FSTL5: variants seen among roughly 807,000 people sequenced by gnomAD.
FSTL5 encodes follistatin-related protein 5.
FSTL5 carries 62 observed loss-of-function variants against 89.1 expected under a neutral mutation model. The ratio of observed to expected loss-of-function variants is 0.70; its 90% CI spans 0.57 to 0.86. The LOEUF is 0.86. FSTL5 is among the 40% of genes least tolerant of loss of function. The pLI is 0.00. For missense variants in FSTL5, 1,057 were observed against 1,001.6 expected, an observed-to-expected ratio of 1.06 and a Z score of -0.75; for synonymous variants, 383 against 346.2, an observed-to-expected ratio of 1.11 and a Z score of -1.18.
At chr4:161,630,442 C>A (rs1460119911) in intron 7 of FSTL5, among the ~76,000 whole-genome samples, 1 of 152,122 alleles carries the variant, frequency 6.6e-6, no homozygotes, top group East Asian at 1.9e-4. Context: ...CTTTTATGAG[C>A]CTTTCTTGTT....
At chr4:161,810,030 A>G (rs1201427804) in intron 4 of FSTL5, among the ~76,000 whole-genome samples, 1 of 152,144 alleles carries the variant, frequency 6.6e-6, no homozygotes, top group Non-Finnish European at 1.5e-5. Flanking sequence ...CAAATTGGTG[A>G]GCCTAGACAA....
At chr4:161,515,376 G>T (rs958690159) in intron 10 of FSTL5, among the ~76,000 whole-genome samples, 3 of 151,644 alleles carry the variant, frequency 2.0e-5, no homozygotes, top group Non-Finnish European at 4.4e-5. Context: ...TTTTGTTGTT[G>T]TTGTATTTTT....
intron 13 of FSTL5, among the ~76,000 whole-genome samples, chr4:161,475,740 T>C (rs548216183): frequency 3.3e-4 from 50 of 151,902 alleles, no homozygotes; most frequent in African/African-American, 1.2e-3. Flanking sequence ...CAGGAATACA[T>C]TCTGTTGATT....
chr4:162,153,754 G>A (rs369556568), intron 1 of FSTL5, among the ~76,000 whole-genome samples: 21 of 37,058 alleles, frequency 5.7e-4, no homozygotes, highest in East Asian at 2.6e-3. Context: ...TAATATACAT[G>A]TATATATACA....
At chr4:161,477,178 T>C (rs994599899) in intron 13 of FSTL5, among the ~76,000 whole-genome samples, 1 of 151,778 alleles carries the variant, frequency 6.6e-6, no homozygotes, top group African/African-American at 2.4e-5. Flanking sequence ...TTTGTAATAT[T>C]TTACTTTATT....
At chr4:161,738,071 T>A (rs2126768617) in intron 6 of FSTL5, among the ~76,000 whole-genome samples, 1 of 152,212 alleles carries the variant, frequency 6.6e-6, no homozygotes, top group Non-Finnish European at 1.5e-5. Context: ...ATATACAATA[T>A]CTTAAAGAGG....
At chr4:161,661,449 G>A (rs1736707713) in intron 6 of FSTL5, among the ~76,000 whole-genome samples, 1 of 151,924 alleles carries the variant, frequency 6.6e-6, no homozygotes, top group African/African-American at 2.4e-5. Flanking sequence ...CTAATTAAAT[G>A]CAGATAGTAA....
intron 15 of FSTL5, among the ~76,000 whole-genome samples, chr4:161,412,361 A>C (rs1201653154): frequency 2.0e-5 from 3 of 152,046 alleles, no homozygotes; most frequent in Non-Finnish European, 2.9e-5. Flanking sequence ...TATAGAACCA[A>C]AAAGAGCCCA....
intron 10 of FSTL5, among the ~76,000 whole-genome samples, chr4:161,535,994 C>A (rs1466304348): frequency 1.3e-5 from 2 of 151,966 alleles, no homozygotes; most frequent in East Asian, 3.9e-4. Context: ...GAACAGAAAA[C>A]CAAATACCAC....
rs186927438 is a variant in FSTL5, at chr4:162,136,628, T to G, written c.-16-25216A>C. 1.8e-4 allele frequency among the ~76,000 whole-genome samples: 28 copies of G among 152,180 alleles called. No homozygotes were observed. In the East Asian group the frequency reaches 5.0e-3, roughly 27 times the overall value. ...ATGCCAAAAATCCAGCTTGTAGATA[T>G]AGCCATTCATATACCAAAAGGAAGT... On this transcript the variant is annotated intron_variant, in intron 1 of 15. Transcript: ENST00000306100.
chr4:161,883,456 T>C (rs1440592), intron 4 of FSTL5, among the ~76,000 whole-genome samples: 83,923 of 152,084 alleles, frequency 0.55, 23,506 homozygotes, highest in East Asian at 0.66. Flanking sequence ...GTCAATCTTA[T>C]ATTAGTCTCA....
At chr4:161,590,796 G>A (rs929374041) in intron 7 of FSTL5, among the ~76,000 whole-genome samples, 1 of 152,186 alleles carries the variant, frequency 6.6e-6, no homozygotes, top group Non-Finnish European at 1.5e-5. Flanking sequence ...TTGCTAGTGA[G>A]AAGATTAAAT....
intron 8 of FSTL5, among the ~76,000 whole-genome samples, chr4:161,556,703 A>G (rs1031036426): frequency 1.3e-5 from 2 of 151,416 alleles, no homozygotes; most frequent in Non-Finnish European, 3.0e-5. Flanking sequence ...AATTTTGCTC[A>G]GGAAGTTTTA....
At chr4:162,007,210 C>T (rs1402608252) in intron 3 of FSTL5, among the ~76,000 whole-genome samples, 1 of 151,750 alleles carries the variant, frequency 6.6e-6, no homozygotes, top group Non-Finnish European at 1.5e-5. Context: ...CTATGTTAAG[C>T]AAGCCCAAAT....
At chr4:162,113,632 T>A (rs1262115982) in intron 1 of FSTL5, among the ~76,000 whole-genome samples, 1 of 152,176 alleles carries the variant, frequency 6.6e-6, no homozygotes, top group Non-Finnish European at 1.5e-5. Flanking sequence ...CCTCTAGATA[T>A]CACCTCCTGC....
intron 7 of FSTL5, among the ~76,000 whole-genome samples, chr4:161,648,918 A>C (rs1481770217): frequency 2.0e-5 from 3 of 152,206 alleles, no homozygotes; most frequent in Admixed American, 2.0e-4. Context: ...TATGGACAAA[A>C]ACTAAGAAGA....
chr4:161,789,553 T>C (rs1255701237), intron 4 of FSTL5, among the ~76,000 whole-genome samples: 1 of 152,230 alleles, frequency 6.6e-6, no homozygotes, highest in Non-Finnish European at 1.5e-5. Context: ...GGAAGTTCAT[T>C]ACCACAATTA....
rs540393759 is a variant in FSTL5, at chr4:161,969,986, T to C, written c.161-49334A>G. 3.3e-5 allele frequency among the ~76,000 whole-genome samples: 5 copies of C among 152,094 alleles called. No homozygotes were observed. The South Asian group carries it at 6.2e-4, about 19-fold the overall frequency. On this transcript the variant is annotated intron_variant, in intron 3 of 15. Coordinates refer to ENST00000306100, the MANE Select transcript of FSTL5 (RefSeq NM_020116.5). ...GGTGAAAGGGTATGAGCTAAAGAGG[T>C]TGGTGAGGACCAGACCCTTGTGTTC... is the stretch of plus-strand genomic sequence containing the variant.
chr4:161,747,501 G>A (rs1740241108), intron 6 of FSTL5, among the ~76,000 whole-genome samples: 1 of 152,172 alleles, frequency 6.6e-6, no homozygotes, highest in Non-Finnish European at 1.5e-5. Flanking sequence ...AAGAAAGAGG[G>A]TAATCTTGCA....
Sources: gnomAD v4.1 joint callset for allele counts (sites outside exome capture counted in the v4.1 genomes callset) on GRCh38, gnomAD v4.1.1 for gene constraint, MANE v1.5 for transcripts, NCBI Gene and HGNC (gene_info 2026-07-23, HGNC 2026-07-21) for gene names.